Variants in PCDHA1 observed in about 807,000 individuals in gnomAD.
The protein encoded by PCDHA1 is protocadherin alpha 1.
A neutral mutation model predicts 61.3 loss-of-function variants in PCDHA1; 42 were observed. That is an observed-to-expected ratio of 0.69 (90% CI 0.54 to 0.89). The LOEUF is 0.89. Among genes scored for constraint, PCDHA1 ranks in the 40% least tolerant of loss-of-function variants. The probability of loss-of-function intolerance (pLI) is 0.00; values close to 1 mark genes in which losing one functional copy is unlikely to be tolerated. For synonymous variants in PCDHA1, 610 were observed against 553.8 expected, an observed-to-expected ratio of 1.10 and a Z score of -1.43; for missense variants, 1,256 against 1,235.3, an observed-to-expected ratio of 1.02 and a Z score of -0.25.
chr5:140,881,336 G>C (rs2058671987), intron 1 of PCDHA1: 1 of 984,948 alleles, frequency 1.0e-6, no homozygotes. Context: ...CCAGGACGCC[G>C]ATTCGGGCTA....
intron 1 of PCDHA1, chr5:140,928,383 G>T (rs1474490422): frequency 2.5e-6 from 4 of 1,613,920 alleles, no homozygotes; most frequent in South Asian, 1.1e-5. Context: ...CCTCTAGCTT[G>T]CTGGCAGTGG....
At chr5:140,928,121 A>C in intron 1 of PCDHA1, 1 of 1,614,194 alleles carries the variant, frequency 6.2e-7, no homozygotes, top group Non-Finnish European at 8.5e-7. Flanking sequence ...CAGATCAGTG[A>C]ATACCAAGTC....
At chr5:140,846,948 CA>C (rs1554141582) in intron 1 of PCDHA1, among the ~76,000 whole-genome samples, 1 of 149,468 alleles carries the variant, frequency 6.7e-6, no homozygotes, top group East Asian at 1.9e-4. Flanking sequence ...CTTGAAGGGG[CA>C]TGGTGTGTTT....
intron 1 of PCDHA1, chr5:140,821,788 CG>C: frequency 6.2e-7 from 1 of 1,611,448 alleles, no homozygotes; most frequent in Non-Finnish European, 8.5e-7. Flanking sequence ...GGTATATTCC[CG>C]GAGAGGAAGT....
Position 140,825,402 on chromosome 5 carries a change from ATATATTT to A in PCDHA1, c.2394+36724_2394+36730del, listed in dbSNP as rs1255200035. 3 of 146,358 alleles carry A rather than the reference ATATATTT, an allele frequency of 2.0e-5. No homozygotes were observed. In the East Asian group the frequency reaches 5.8e-4, roughly 28 times the overall value. 9.1% of individuals were successfully genotyped at this position (146,358 alleles called of 1,614,324 possible). A position where few individuals can be genotyped will look rare whatever the true frequency, so the allele number is the denominator to read the frequency against. On this transcript the variant is annotated intron_variant, in intron 1 of 3. Transcript: ENST00000504120. The stretch of plus-strand genomic sequence containing the variant: ...ATATCTAATATATATCTAATATATT[ATATATTT>A]TATATAATATATATAATAAATATAT...
intron 1 of PCDHA1, chr5:140,843,282 A>G: frequency 1.3e-6 from 2 of 1,596,026 alleles, no homozygotes; most frequent in South Asian, 1.1e-5. Context: ...GTGAAGGATC[A>G]TGGTGAACCT....
At chr5:140,877,274 C>G (rs781933102) in intron 1 of PCDHA1, 1 of 1,613,856 alleles carries the variant, frequency 6.2e-7, no homozygotes, top group South Asian at 1.1e-5. Context: ...GACGCTGACT[C>G]CGGCTATAAC....
intron 3 of PCDHA1, among the ~76,000 whole-genome samples, chr5:141,003,903 G>A (rs150270772): frequency 6.6e-6 from 1 of 152,076 alleles, no homozygotes; most frequent in Non-Finnish European, 1.5e-5. Flanking sequence ...CCATTCATTT[G>A]GGTCTTGACT....
chr5:140,869,010 T>C (rs919333995), intron 1 of PCDHA1: 3 of 1,523,768 alleles, frequency 2.0e-6, no homozygotes, highest in African/African-American at 2.8e-5. Flanking sequence ...CCTTTGAAAC[T>C]TCTTAAGAAT....
chr5:140,823,336 C>T, intron 1 of PCDHA1: 4 of 1,612,212 alleles, frequency 2.5e-6, no homozygotes, highest in Non-Finnish European at 2.5e-6. Context: ...CGCGCTGCAG[C>T]CGCTGGACCA....
chr5:140,988,512 T>TCC (rs2097301181), intron 3 of PCDHA1, among the ~76,000 whole-genome samples: 1 of 152,218 alleles, frequency 6.6e-6, no homozygotes, highest in Non-Finnish European at 1.5e-5. Flanking sequence ...TGAAGCTTAC[T>TCC]TAAGTCTCTG....
intron 1 of PCDHA1, among the ~76,000 whole-genome samples, chr5:140,921,757 T>C (rs1361449960): frequency 6.6e-6 from 1 of 152,122 alleles, no homozygotes; most frequent in Non-Finnish European, 1.5e-5. Context: ...GGACACTTCT[T>C]GGCTACTATT....
intron 1 of PCDHA1, chr5:140,968,952 T>C: frequency 1.2e-6 from 2 of 1,614,192 alleles, no homozygotes; most frequent in Non-Finnish European, 1.7e-6. Context: ...TTGAGCATCA[T>C]CAAGTGCTAC....
chr5:140,983,901 AT>A (rs782712573), intron 3 of PCDHA1, among the ~76,000 whole-genome samples: 20 of 152,338 alleles, frequency 1.3e-4, no homozygotes, highest in Non-Finnish European at 2.6e-4. Context: ...GCATTCGTTG[AT>A]TCTAATCAGC....
intron 1 of PCDHA1, among the ~76,000 whole-genome samples, chr5:140,917,329 G>C (rs543216216): frequency 3.5e-5 from 5 of 143,930 alleles, no homozygotes; most frequent in South Asian, 2.2e-4. Flanking sequence ...TGTGGCGGGG[G>C]AGGGGGGGGA....
rs2150502964 is a variant in PCDHA1 at position 140,850,934 on chromosome 5, T to C, written c.2394+62250T>C. On this transcript the variant is annotated intron_variant, in intron 1 of 3. Transcript: ENST00000504120. ...TATTTATTTATATAATTTTTTTTCTTGAAAGATATTATCGATTACTCCCAG... is the reference window on the plus strand; with the variant it reads ...TATTTATTTATATAATTTTTTTTCTCGAAAGATATTATCGATTACTCCCAG... 3.0e-5 allele frequency: 45 copies of C among 1,514,272 alleles called. 2 individuals are homozygous for C. The South Asian group carries it at 5.0e-4, about 17-fold the overall frequency. The allele number at this position is 1,514,272 out of a possible 1,614,324, so 93.8% of individuals were successfully genotyped here.
chr5:140,879,761 G>A (rs2058106657), intron 1 of PCDHA1, among the ~76,000 whole-genome samples: 1 of 152,152 alleles, frequency 6.6e-6, no homozygotes, highest in South Asian at 2.1e-4. Flanking sequence ...TACTCTCTTT[G>A]GAGGCCCCAG....
intron 1 of PCDHA1, chr5:140,808,888 G>T (rs556570330): frequency 8.1e-6 from 13 of 1,613,250 alleles, no homozygotes; most frequent in Non-Finnish European, 1.1e-5. Flanking sequence ...CACTGCTAGC[G>T]CCTCGGGCGG....
At chr5:140,858,617 AC>A (rs2045522200) in intron 1 of PCDHA1, 1 of 1,181,008 alleles carries the variant, frequency 8.5e-7, no homozygotes. Context: ...TTTTTATCCT[AC>A]CCAGTGTGTC....
Sources: allele counts gnomAD v4.1 joint callset (sites outside exome capture counted in the v4.1 genomes callset), GRCh38; gene constraint gnomAD v4.1.1; transcripts MANE v1.5; gene names NCBI Gene and HGNC (gene_info 2026-07-23, HGNC 2026-07-21).